Variants in ST7L observed in about 807,000 individuals in gnomAD.
ST7L encodes suppressor of tumorigenicity 7 protein-like.
In ST7L, 57 loss-of-function variants were observed where a neutral mutation model predicts 72.5. The ratio of observed to expected loss-of-function variants is 0.79; its 90% CI spans 0.64 to 0.98. ST7L has a LOEUF of 0.98. Ranked by LOEUF, ST7L falls within the 50% of genes least tolerant of loss-of-function variation. ST7L has a pLI of 0.00. For missense variants in ST7L, 576 were observed against 672.2 expected (o/e 0.86, Z 1.58); for synonymous variants, 221 against 240.9 (o/e 0.92, Z 0.77).
intron 13 of ST7L, among the ~76,000 whole-genome samples, chr1:112,544,516 A>G (rs2101452221): frequency 6.6e-6 from 1 of 152,318 alleles, no homozygotes; most frequent in African/African-American, 2.4e-5. Context: ...CCAGTCAGCA[A>G]TCCCCTTTGC....
Position 112,526,188 on chromosome 1 carries a change from C to G in ST7L, c.1630-77G>C, listed in dbSNP as rs1653348456. The G allele has an allele frequency of 1.9e-6, 3 of 1,594,826 alleles. No homozygotes were observed. In the Admixed American group the frequency reaches 5.1e-5, roughly 27 times the overall value. ...ACAGCCAAGAGAGTATATCTGAGCA[C>G]AGTTTACAAAGGAACAGCCTAGGCC... On this transcript the variant is annotated intron_variant, in intron 14 of 14. Transcript: ENST00000358039.
At chr1:112,529,123 T>C (rs1653941879) in intron 14 of ST7L, 1 of 152,160 alleles carries the variant, frequency 6.6e-6, no homozygotes, top group African/African-American at 2.4e-5. Context: ...AAACAGAGTA[T>C]TGAACTATGG....
intron 4 of ST7L, among the ~76,000 whole-genome samples, chr1:112,599,073 A>AAAAAATATATAT (rs1190968815): frequency 5.3e-5 from 3 of 57,002 alleles, no homozygotes; most frequent in South Asian, 5.7e-4. Flanking sequence ...AAAAAAAAAA[A>AAAAAATATATAT]ATATATATAT....
At chr1:112,561,196 A>G (rs936632033) in intron 11 of ST7L, among the ~76,000 whole-genome samples, 1 of 151,510 alleles carries the variant, frequency 6.6e-6, no homozygotes, top group Non-Finnish European at 1.5e-5. Flanking sequence ...TCTGCTTAGT[A>G]AAGTATATGC....
intron 11 of ST7L, chr1:112,571,243 A>C (rs1014646007): frequency 4.5e-6 from 2 of 445,012 alleles, no homozygotes; most frequent in South Asian, 3.2e-5. Context: ...GTCTATCTAC[A>C]AACAATAATA....
chr1:112,539,067 CA>C (rs1039359159), intron 14 of ST7L: 2 of 152,206 alleles, frequency 1.3e-5, no homozygotes, highest in Non-Finnish European at 2.9e-5. Flanking sequence ...TCCACCTTGA[CA>C]AGGCAGCACT....
At chr1:112,614,630 C>T (rs894360156) in intron 2 of ST7L, among the ~76,000 whole-genome samples, 3 of 151,984 alleles carry the variant, frequency 2.0e-5, no homozygotes, top group African/African-American at 7.3e-5. Context: ...TCTACTACAG[C>T]TGGAGAGCAC....
intron 4 of ST7L, among the ~76,000 whole-genome samples, chr1:112,599,219 T>TAAGAGATTAAAGA (rs1667039717): frequency 1.3e-5 from 2 of 149,512 alleles, no homozygotes; most frequent in African/African-American, 2.5e-5. Flanking sequence ...AGCCTCAAAC[T>TAAGAGATTAAAGA]TTGATTAAAC....
intron 4 of ST7L, 108 bp downstream of exon 4, chr1:112,600,686 G>T: frequency 1.1e-6 from 1 of 900,174 alleles, no homozygotes; most frequent in South Asian, 1.5e-5. Flanking sequence ...TCATAGACCA[G>T]TATCTTCTAC....
intron 11 of ST7L, among the ~76,000 whole-genome samples, chr1:112,571,937 C>T (rs1031974838): frequency 1.3e-5 from 2 of 152,146 alleles, no homozygotes; most frequent in South Asian, 2.1e-4. Flanking sequence ...ATGGGACCTA[C>T]GGCCTTACTA....
intron 6 of ST7L, among the ~76,000 whole-genome samples, chr1:112,589,086 T>G (rs1256152559): frequency 6.6e-6 from 1 of 152,138 alleles, no homozygotes; most frequent in African/African-American, 2.4e-5. Flanking sequence ...AATTTCTATT[T>G]AGTTCCTTTT....
intron 10 of ST7L, among the ~76,000 whole-genome samples, chr1:112,577,811 G>T (rs1016293972): frequency 6.6e-6 from 1 of 152,080 alleles, no homozygotes; most frequent in African/African-American, 2.4e-5. Context: ...AATCTAAGGT[G>T]AAAGAAAATG....
At chr1:112,538,700 A>G (rs1230212915) in intron 14 of ST7L, among the ~76,000 whole-genome samples, 1 of 152,170 alleles carries the variant, frequency 6.6e-6, no homozygotes, top group Non-Finnish European at 1.5e-5. Flanking sequence ...TACAGTTTCT[A>G]TGGAAAAATG....
chr1:112,614,200 T>C (rs1480476755), intron 2 of ST7L, among the ~76,000 whole-genome samples: 2 of 152,074 alleles, frequency 1.3e-5, no homozygotes, highest in Admixed American at 1.3e-4. Context: ...CCAGAGCTTT[T>C]TCCACTATAT....
intron 13 of ST7L, among the ~76,000 whole-genome samples, chr1:112,544,242 T>C (rs1656696950): frequency 6.6e-6 from 1 of 152,218 alleles, no homozygotes; most frequent in African/African-American, 2.4e-5. Flanking sequence ...ACTAATTTTG[T>C]GCTGAACCAA....
At chr1:112,564,610 A>G (rs907633490) in intron 11 of ST7L, among the ~76,000 whole-genome samples, 1 of 152,122 alleles carries the variant, frequency 6.6e-6, no homozygotes, top group Non-Finnish European at 1.5e-5. Flanking sequence ...TGAGGTCAGG[A>G]GTTCAAGACC....
intron 14 of ST7L, among the ~76,000 whole-genome samples, chr1:112,532,161 T>C (rs981430667): frequency 1.3e-5 from 2 of 152,186 alleles, no homozygotes; most frequent in Non-Finnish European, 2.9e-5. Flanking sequence ...CTGAATTTTA[T>C]CAGAGGGCAA....
chr1:112,614,397 G>A (rs1488992313), intron 2 of ST7L, among the ~76,000 whole-genome samples: 1 of 152,044 alleles, frequency 6.6e-6, no homozygotes, highest in African/African-American at 2.4e-5. Flanking sequence ...ACAGTTTATC[G>A]TCTTTACTTA....
At chr1:112,556,137 T>C (rs1659082451) in intron 11 of ST7L, 119 bp from the exon 12 acceptor site, 1 of 770,248 alleles carries the variant, frequency 1.3e-6, no homozygotes, top group Non-Finnish European at 1.8e-6. Flanking sequence ...AAACTGATTT[T>C]TAAAAAACTA....
Sources: allele counts gnomAD v4.1 joint callset (sites outside exome capture counted in the v4.1 genomes callset), GRCh38; gene constraint gnomAD v4.1.1; transcripts MANE v1.5; gene names NCBI Gene and HGNC (gene_info 2026-07-23, HGNC 2026-07-21).